IST1: variants seen among roughly 807,000 people sequenced by gnomAD.
The protein encoded by IST1 is IST1 factor associated with ESCRT-III, also known as IST1 homolog.
A neutral mutation model predicts 37.0 loss-of-function variants in IST1; 23 were observed. That is an observed-to-expected ratio of 0.62 (90% CI 0.45 to 0.88). The LOEUF (loss-of-function observed/expected upper bound fraction) is 0.88, where lower values mean the gene tolerates loss of function less well. Among genes scored for constraint, IST1 ranks in the 40% least tolerant of loss-of-function variants. The pLI, the probability that IST1 is intolerant of heterozygous loss-of-function variation, is 0.00. For synonymous variants in IST1, 180 were observed against 161.7 expected (o/e 1.11, Z -0.86); for missense variants, 488 against 445.4 (o/e 1.10, Z -0.86).
At chr16:71,906,327 GAC>G (rs1057148483) in intron 1 of IST1, among the ~76,000 whole-genome samples, 6 of 150,140 alleles carry the variant, frequency 4.0e-5, no homozygotes, top group Admixed American at 6.7e-5. Flanking sequence ...TGTTTTTTGA[GAC>G]ACAGTTTTGC....
chr16:71,897,712 G>A (rs1210381252), intron 1 of IST1, among the ~76,000 whole-genome samples: 1 of 152,090 alleles, frequency 6.6e-6, no homozygotes, highest in Admixed American at 6.6e-5. Flanking sequence ...TTGGGAGGCC[G>A]AGGCGGGTGG....
intron 1 of IST1, among the ~76,000 whole-genome samples, chr16:71,910,660 G>C (rs991576438): frequency 6.6e-6 from 1 of 151,892 alleles, no homozygotes; most frequent in Non-Finnish European, 1.5e-5. Flanking sequence ...GATTCGGTAT[G>C]ATCTGCGATT....
In IST1 at chr16:71,930,183, C is replaced by G; in HGVS notation, c.*2370C>G. The G allele has an allele frequency of 6.5e-7, 1 of 1,538,734 alleles. No individual in the cohort carries two copies. Among genetic ancestry groups the G allele is most frequent in the Admixed American group, 2.1e-5 (1 of 46,848 alleles). On this transcript the variant is annotated 3_prime_UTR_variant, in exon 10 of 10. Coordinates refer to ENST00000378799, the MANE Select transcript of IST1 (RefSeq NM_001270975.2). ...CCCAGGACTGGGTCTAAAGCGAAAA[C>G]CTGGGAAAACAATAAGAACACTTGC...
Position 71,929,408 on chromosome 16 carries a change from G to C in IST1, c.*1595G>C. On this transcript the variant is annotated 3_prime_UTR_variant, in exon 10 of 10. Coordinates refer to ENST00000378799, the MANE Select transcript of IST1 (RefSeq NM_001270975.2). ...ACAGTGCCAAGATCCATAAGAACTT[G>C]GGACCAAGGGGATTTTGATTCCTAA... 3 of 920,062 alleles carry C rather than the reference G, an allele frequency of 3.3e-6. No individual in the cohort carries two copies. The highest frequency in any genetic ancestry group is 2.0e-5 in the South Asian group (1 of 49,264). The allele number at this position is 920,062 out of a possible 1,614,324, so 57.0% of individuals were successfully genotyped here. A position where few individuals can be genotyped will look rare whatever the true frequency, so the allele number is the denominator to read the frequency against.
Position 71,928,905 on chromosome 16 carries a change from G to C in IST1, c.*1092G>C, listed in dbSNP as rs745796489. ...ATGATACAGCTTTTGCTTCTGTGTA[G>C]TATACCTGTACATACTTGTTTCAGG... On this transcript the variant is annotated 3_prime_UTR_variant, in exon 10 of 10. Transcript: ENST00000378799. The C allele has an allele frequency of 6.6e-6, 1 of 152,296 alleles. No homozygotes were observed. The highest frequency in any genetic ancestry group is 1.5e-5 in the Non-Finnish European group (1 of 68,104). 9.4% of individuals were successfully genotyped at this position (152,296 alleles called of 1,614,324 possible).
At chr16:71,926,209 G>GA (rs1205324014) in intron 9 of IST1, among the ~76,000 whole-genome samples, 1 of 151,446 alleles carries the variant, frequency 6.6e-6, no homozygotes, top group East Asian at 2.0e-4. Flanking sequence ...TTGAACCCGG[G>GA]AAGCGGAGGT....
chr16:71,896,256 G>T (rs966029488), intron 1 of IST1, among the ~76,000 whole-genome samples: 3 of 152,128 alleles, frequency 2.0e-5, no homozygotes, highest in Admixed American at 6.6e-5. Flanking sequence ...GGTGCTGGAG[G>T]TGACCTCTTG....
At chr16:71,896,975 GA>G (rs34791226) in intron 1 of IST1, among the ~76,000 whole-genome samples, 9 of 146,840 alleles carry the variant, frequency 6.1e-5, no homozygotes, top group South Asian at 2.1e-4. Flanking sequence ...TGTAAAAAAA[GA>G]AAAAAAAAAA....
chr16:71,923,039 T>C (rs2037645597), intron 7 of IST1: 1 of 467,104 alleles, frequency 2.1e-6, no homozygotes, highest in Non-Finnish European at 3.8e-6. Flanking sequence ...AGTAAGAAAG[T>C]CTCGTTAGAG....
intron 7 of IST1, 72 bp downstream of exon 7, chr16:71,922,752 T>G (rs1196436265): frequency 1.6e-6 from 2 of 1,259,690 alleles, no homozygotes; most frequent in Admixed American, 4.0e-5. Context: ...GTGAACACAC[T>G]CAGGAATCAT....
chr16:71,894,721 C>T (rs1353352776), upstream of IST1: 5 of 426,430 alleles, frequency 1.2e-5, no homozygotes, highest in South Asian at 5.3e-5. Flanking sequence ...TTTTTTGTAG[C>T]GATGCGGTTT....
intron 4 of IST1, among the ~76,000 whole-genome samples, chr16:71,918,669 G>C (rs1347325102): frequency 1.3e-5 from 2 of 152,082 alleles, no homozygotes; most frequent in Non-Finnish European, 2.9e-5. Context: ...GCCTGCCTCG[G>C]CCTCCCAAAG....
At chr16:71,912,356 G>A (rs1328559593) in intron 1 of IST1, among the ~76,000 whole-genome samples, 1 of 152,016 alleles carries the variant, frequency 6.6e-6, no homozygotes, top group East Asian at 1.9e-4. Context: ...TCTTGCCTCA[G>A]CCTCCTGAGA....
intron 2 of IST1, 37 bp from the exon 3 acceptor site, chr16:71,916,425 C>G (rs2037468046): frequency 6.2e-7 from 1 of 1,604,308 alleles, no homozygotes; most frequent in Admixed American, 1.7e-5. Context: ...TGCAAGTGCT[C>G]TACTGCTGTG....
At chr16:71,903,389 C>T (rs762303711) in intron 1 of IST1, 22 of 151,910 alleles carry the variant, frequency 1.4e-4, no homozygotes, top group Non-Finnish European at 2.6e-4. Context: ...CAGTACAAAC[C>T]TTTAAAAAAT....
At chr16:71,894,986 C>G, upstream of IST1, 1 of 675,470 alleles carries the variant, frequency 1.5e-6, no homozygotes, top group Admixed American at 2.6e-5. Flanking sequence ...AAAGGGCAAC[C>G]GGACGGCTTA....
intron 4 of IST1, among the ~76,000 whole-genome samples, chr16:71,919,058 C>G (rs1172529709): frequency 6.6e-6 from 1 of 152,010 alleles, no homozygotes; most frequent in Non-Finnish European, 1.5e-5. Context: ...TTAATCTATT[C>G]ACACCATTCC....
At chr16:71,903,083 T>TG (rs1215217801) in intron 1 of IST1, 1 of 152,162 alleles carries the variant, frequency 6.6e-6, no homozygotes, top group Non-Finnish European at 1.5e-5. Context: ...CAAACTCTCG[T>TG]GCTCACTGCC....
chr16:71,925,926 C>G (rs568813481), intron 9 of IST1, among the ~76,000 whole-genome samples: 1 of 148,330 alleles, frequency 6.7e-6, no homozygotes, highest in African/African-American at 2.5e-5. Flanking sequence ...AAAGTGAGAC[C>G]CTGTCTTAAA....
Sources: gnomAD v4.1 joint callset for allele counts (sites outside exome capture counted in the v4.1 genomes callset) on GRCh38, gnomAD v4.1.1 for gene constraint, MANE v1.5 for transcripts, NCBI Gene and HGNC (gene_info 2026-07-23, HGNC 2026-07-21) for gene names.